The following MED17 variants were observed in gnomAD, a reference collection of about 807,000 sequenced individuals.
The protein encoded by MED17 is mediator of RNA polymerase II transcription subunit 17.
MED17 carries 49 observed loss-of-function variants against 80.8 expected under a neutral mutation model. The ratio of observed to expected loss-of-function variants is 0.61; its 90% CI spans 0.48 to 0.77. The LOEUF (loss-of-function observed/expected upper bound fraction) is 0.77, where lower values mean the gene tolerates loss of function less well. Ranked by LOEUF, MED17 falls within the 30% of genes least tolerant of loss-of-function variation. The pLI is 0.00. For missense variants in MED17, 718 were observed against 787.0 expected, an observed-to-expected ratio of 0.91 and a Z score of 1.05; for synonymous variants, 281 against 280.4, an observed-to-expected ratio of 1.00 and a Z score of -0.02.
At chr11:93,798,647 C>T (rs1165940953) in intron 8 of MED17, among the ~76,000 whole-genome samples, 1 of 152,094 alleles carries the variant, frequency 6.6e-6, no homozygotes. Flanking sequence ...GTGTGTAAGC[C>T]AAGGCTCAAC....
At chr11:93,810,902 A>T (rs1944080201) in intron 11 of MED17, 1 of 152,262 alleles carries the variant, frequency 6.6e-6, no homozygotes, top group Non-Finnish European at 1.5e-5. Context: ...AGAGGATTTC[A>T]TCGTATGATA....
intron 10 of MED17, 44 bp downstream of exon 10, chr11:93,807,679 C>A: frequency 1.8e-6 from 2 of 1,095,174 alleles, no homozygotes; most frequent in Non-Finnish European, 2.8e-6. Flanking sequence ...CTTCGCATAG[C>A]TACTTAAAGA....
intron 3 of MED17, among the ~76,000 whole-genome samples, chr11:93,792,937 T>C (rs941261151): frequency 7.9e-5 from 12 of 151,894 alleles, no homozygotes; most frequent in African/African-American, 2.9e-4. Context: ...GGAGACCTTG[T>C]CTCTAAAAAG....
chr11:93,795,053 C>G lies in MED17; in HGVS notation c.1005C>G (p.Pro335=). 2 of 1,614,142 alleles carry G rather than the reference C, an allele frequency of 1.2e-6. No individual in the cohort carries two copies. Among genetic ancestry groups the G allele is most frequent in the African/African-American group, 2.7e-5 (2 of 75,042 alleles). ...TGAAAAACCAGATTATCTCTCAGCC[C>G]TTTCCGAGTAAGAGCAGCCCTTTTT... ...IVVKNQIISQ[P]FPSLQLSISL... The change falls in exon 6 of 12, where the codon CCC becomes CCG. Residue 335 remains proline (P), a synonymous_variant. Transcript: ENST00000251871.
Position 93,796,464 on chromosome 11 carries a change from A to C in MED17, c.1067A>C (p.Lys356Thr). 1 of 1,613,810 alleles carries C rather than the reference A, an allele frequency of 6.2e-7. No individual in the cohort carries two copies. Among genetic ancestry groups the C allele is most frequent in the African/African-American group, 1.3e-5 (1 of 75,058 alleles). ...TCCTCAAATGATAAGAAATCCCAAA[A>C]ATTTGCTACTGAGAAGCAATGTCCG... ...CHSSNDKKSQ[K>T]FATEKQCPED... The change falls in exon 7 of 12, where the codon AAA (lysine) becomes ACA (threonine). Residue 356 changes from lysine to threonine, a missense_variant. Coordinates refer to ENST00000251871, the MANE Select transcript of MED17 (RefSeq NM_004268.5).
chr11:93,787,923 T>C, intron 1 of MED17, 78 bp from the exon 2 acceptor site: 1 of 1,225,108 alleles, frequency 8.2e-7, no homozygotes, highest in Non-Finnish European at 1.2e-6. Flanking sequence ...TTTAGTACTT[T>C]TTAAACCTAA....
intron 9 of MED17, among the ~76,000 whole-genome samples, chr11:93,805,580 C>G (rs2135720274): frequency 6.6e-6 from 1 of 151,092 alleles, no homozygotes; most frequent in Non-Finnish European, 1.5e-5. Flanking sequence ...GATCCTGTCT[C>G]AAAAAAAAGA....
rs1218720053 is a variant in MED17 at position 93,805,135 on chromosome 11, C to T, written c.1467-2383C>T. Among the ~76,000 whole-genome samples the T allele has an allele frequency of 4.6e-5, 7 of 152,144 alleles. 1 individual carries two copies. The highest frequency in any genetic ancestry group is 1.7e-4 in the African/African-American group (7 of 41,418). ...TTATTTTGTTAGCACATAGATCTAC[C>T]TCATTTTTTTCTTACAGCCTTTTTG... On this transcript the variant is annotated intron_variant, in intron 9 of 11. Transcript: ENST00000251871.
In MED17 at chr11:93,788,009, A is replaced by C; in HGVS notation, c.259A>C (p.Lys87Gln). The C allele has an allele frequency of 6.2e-7, 1 of 1,613,812 alleles. No homozygotes were observed. The highest frequency in any genetic ancestry group is 8.5e-7 in the Non-Finnish European group (1 of 1,179,874). The change falls in exon 2 of 12, where the codon AAA (lysine) becomes CAA (glutamine). Residue 87 changes from lysine to glutamine, a missense_variant. Physicochemically the swap from Lys to Gln is moderately conservative, Grantham distance 53. Transcript: ENST00000251871. ...TCTCTCTCTCTTTTTAGGAGTGGTA[A>C]AATTTCAGCCTTCCCTTTGGCCTTG... Reference protein sequence around the residue: ...ADQDDEEGVVKFQPSLWPWDS... With the variant: ...ADQDDEEGVVQFQPSLWPWDS...
In MED17 at chr11:93,784,385, C is replaced by T. The variant is rs1027474811; in HGVS notation, c.-129C>T. On this transcript the variant is annotated 5_prime_UTR_variant, in exon 1 of 12. Transcript: ENST00000251871. ...CCAGTCTGAGCGTTGCGTTCGGTTT[C>T]CCGAGGGTCTTCTGAGGCACCGCGG... 8.0e-7 allele frequency: 1 copy of T among 1,248,190 alleles called. No homozygotes were observed. The highest frequency in any genetic ancestry group is 1.6e-5 in the South Asian group (1 of 64,334). 77.3% of individuals were successfully genotyped at this position (1,248,190 alleles called of 1,614,324 possible).
chr11:93,790,126 A>C, intron 2 of MED17: 1 of 201,170 alleles, frequency 5.0e-6, no homozygotes, highest in South Asian at 8.5e-5. Context: ...TGTGCCAGGC[A>C]TTGTTCTAGG....
chr11:93,793,135 T>TTTTTTTTTTTTTTTTTA (rs1943858158), intron 3 of MED17: 2 of 144,958 alleles, frequency 1.4e-5, no homozygotes, highest in Non-Finnish European at 3.0e-5. Context: ...TTTTTTTTTT[T>TTTTTTTTTTTTTTTTTA]GAGACAGAGT....
At chr11:93,802,281 T>G (rs542769635) in intron 9 of MED17, among the ~76,000 whole-genome samples, 1 of 152,254 alleles carries the variant, frequency 6.6e-6, no homozygotes, top group African/African-American at 2.4e-5. Context: ...TAAAAAAATT[T>G]TTTTTAAGAA....
intron 1 of MED17, among the ~76,000 whole-genome samples, chr11:93,785,746 C>A (rs553803236): frequency 6.6e-6 from 1 of 152,288 alleles, no homozygotes; most frequent in Non-Finnish European, 1.5e-5. Flanking sequence ...GTGGCTCACA[C>A]CTGTAGTTCC....
chr11:93,793,654 T>G, intron 3 of MED17, 74 bp from the exon 4 acceptor site: 1 of 1,097,418 alleles, frequency 9.1e-7, no homozygotes, highest in South Asian at 1.3e-5. Context: ...ATGTGAAGTA[T>G]TATATATTTA....
At chr11:93,805,208 C>T (rs1263744023) in intron 9 of MED17, among the ~76,000 whole-genome samples, 2 of 152,122 alleles carry the variant, frequency 1.3e-5, no homozygotes, top group Admixed American at 1.3e-4. Context: ...TGTTGTTGAA[C>T]ATTTTTGTCG....
At chr11:93,803,396 A>G (rs945580348) in intron 9 of MED17, among the ~76,000 whole-genome samples, 1 of 152,226 alleles carries the variant, frequency 6.6e-6, no homozygotes, top group African/African-American at 2.4e-5. Flanking sequence ...AGAATACACA[A>G]TGGACAGGAA....
At chr11:93,786,339 T>C (rs1591381315) in intron 1 of MED17, among the ~76,000 whole-genome samples, 1 of 152,346 alleles carries the variant, frequency 6.6e-6, no homozygotes, top group African/African-American at 2.4e-5. Context: ...ACTCTTTCCA[T>C]GCACAAAATT....
At chr11:93,796,282 A>G (rs1943900431) in intron 6 of MED17, 128 bp from the exon 7 acceptor site, 8 of 931,346 alleles carry the variant, frequency 8.6e-6, no homozygotes, top group Middle Eastern at 3.3e-4. Context: ...GATGTTAATC[A>G]TGAGGTCTGA....
Sources: allele counts gnomAD v4.1 joint callset (sites outside exome capture counted in the v4.1 genomes callset), GRCh38; gene constraint gnomAD v4.1.1; transcripts MANE v1.5; gene names NCBI Gene and HGNC (gene_info 2026-07-23, HGNC 2026-07-21).